PDCD10: variants seen among roughly 807,000 people sequenced by gnomAD.
PDCD10 encodes programmed cell death protein 10.
PDCD10 carries 4 observed loss-of-function variants against 29.2 expected under a neutral mutation model. The observed-to-expected ratio is 0.14, with a 90% CI of 0.07 to 0.31. PDCD10 has a LOEUF of 0.31. PDCD10 is among the 10% of genes least tolerant of loss of function. The pLI, the probability that PDCD10 is intolerant of heterozygous loss-of-function variation, is 1.00. For synonymous variants in PDCD10, 70 were observed against 82.2 expected (o/e 0.85, Z 0.80); for missense variants, 183 against 257.9 (o/e 0.71, Z 1.99).
intron 5 of PDCD10, among the ~76,000 whole-genome samples, chr3:167,696,584 T>G (rs1720833625): frequency 6.6e-6 from 1 of 151,998 alleles, no homozygotes; most frequent in Non-Finnish European, 1.5e-5. Flanking sequence ...AAAAGGATGG[T>G]TATATTATTC....
intron 4 of PDCD10, 63 bp downstream of exon 4, chr3:167,704,779 C>T (rs1470943274): frequency 4.5e-6 from 5 of 1,112,242 alleles, no homozygotes; most frequent in Non-Finnish European, 6.9e-6. Flanking sequence ...GCAACCATCA[C>T]ATGTACTTAC....
At chr3:167,707,819 T>C (rs989913542) in intron 3 of PDCD10, among the ~76,000 whole-genome samples, 3 of 152,206 alleles carry the variant, frequency 2.0e-5, no homozygotes, top group African/African-American at 7.2e-5. Flanking sequence ...TAATGGATAC[T>C]GCGACAGTGA....
chr3:167,698,122 C>T (rs1364060567), intron 4 of PDCD10: 1 of 360,748 alleles, frequency 2.8e-6, no homozygotes, highest in Non-Finnish European at 5.5e-6. Flanking sequence ...TCTTCTCTTC[C>T]TATTGCTCTT....
chr3:167,718,368 G>C (rs1723221258), intron 3 of PDCD10, among the ~76,000 whole-genome samples: 1 of 151,988 alleles, frequency 6.6e-6, no homozygotes, highest in South Asian at 2.1e-4. Flanking sequence ...TCTAACAGTA[G>C]CTCCTTGAAA....
At chr3:167,713,958 G>C (rs566374405) in intron 3 of PDCD10, among the ~76,000 whole-genome samples, 71 of 152,072 alleles carry the variant, frequency 4.7e-4, no homozygotes, top group African/African-American at 1.7e-3. Flanking sequence ...CTTCACTGCT[G>C]AATTCTGCCA....
chr3:167,712,064 G>C (rs980832626), intron 3 of PDCD10, among the ~76,000 whole-genome samples: 1 of 152,104 alleles, frequency 6.6e-6, no homozygotes, highest in African/African-American at 2.4e-5. Context: ...AAAATCTTCT[G>C]AAAGTACAAA....
intron 2 of PDCD10, among the ~76,000 whole-genome samples, chr3:167,733,227 G>A (rs1292000706): frequency 7.2e-5 from 11 of 152,084 alleles, no homozygotes; most frequent in Admixed American, 6.6e-4. Flanking sequence ...TTAAGAGTAA[G>A]CCATGATTTA....
chr3:167,715,394 C>T (rs1362848434), intron 3 of PDCD10, among the ~76,000 whole-genome samples: 5 of 151,692 alleles, frequency 3.3e-5, no homozygotes, highest in Non-Finnish European at 7.4e-5. Context: ...GCACAGGCAA[C>T]CAAAGGAAAC....
intron 8 of PDCD10, among the ~76,000 whole-genome samples, chr3:167,684,653 T>C (rs1719393403): frequency 1.3e-5 from 2 of 152,100 alleles, no homozygotes; most frequent in Non-Finnish European, 2.9e-5. Flanking sequence ...CCAGTTCATT[T>C]ATAGGTGGAA....
intron 6 of PDCD10, among the ~76,000 whole-genome samples, chr3:167,691,834 C>T (rs1409167928): frequency 6.6e-6 from 1 of 152,220 alleles, no homozygotes; most frequent in Non-Finnish European, 1.5e-5. Context: ...TCAAATCCAG[C>T]TCTACCACTT....
chr3:167,729,965 A>T (rs542343131), intron 2 of PDCD10, among the ~76,000 whole-genome samples: 1 of 152,288 alleles, frequency 6.6e-6, no homozygotes, highest in African/African-American at 2.4e-5. Context: ...AATGAAACTG[A>T]ACAGCAGAAA....
chr3:167,715,832 C>T (rs1722952351), intron 3 of PDCD10, among the ~76,000 whole-genome samples: 1 of 152,076 alleles, frequency 6.6e-6, no homozygotes, highest in Non-Finnish European at 1.5e-5. Context: ...ATTAGTACAA[C>T]CACTATGGAG....
chr3:167,697,204 T>G (rs1250183099), intron 4 of PDCD10, 78 bp from the exon 5 acceptor site: 1 of 829,130 alleles, frequency 1.2e-6, no homozygotes, highest in African/African-American at 1.7e-5. Flanking sequence ...TTGTTTAGAA[T>G]CTGTTGGGAG....
At chr3:167,730,470 T>G (rs1189280344) in intron 2 of PDCD10, among the ~76,000 whole-genome samples, 3 of 152,194 alleles carry the variant, frequency 2.0e-5, no homozygotes, top group Non-Finnish European at 4.4e-5. Context: ...TAGGTAAATA[T>G]GAAAATTTTA....
chr3:167,728,555 T>C (rs371616934), intron 2 of PDCD10, among the ~76,000 whole-genome samples: 2 of 152,212 alleles, frequency 1.3e-5, no homozygotes, highest in South Asian at 2.1e-4. Flanking sequence ...CAATCATTTA[T>C]TTTTCTATCA....
intron 2 of PDCD10, among the ~76,000 whole-genome samples, chr3:167,731,176 C>A (rs1357140236): frequency 1.3e-5 from 2 of 151,952 alleles, no homozygotes; most frequent in African/African-American, 4.8e-5. Context: ...AATACTACTA[C>A]CTAGAGGAAA....
chr3:167,704,593 T>C (rs1721784023), intron 4 of PDCD10: 1 of 377,260 alleles, frequency 2.7e-6, no homozygotes, highest in African/African-American at 2.1e-5. Flanking sequence ...AATCTACAGC[T>C]AAGGAGAGAA....
At position 167,684,287 on chromosome 3, in the gene PDCD10, A is replaced by C; in HGVS notation, c.*21T>G. The C allele has an allele frequency of 7.3e-7, 1 of 1,361,520 alleles. No individual in the cohort carries two copies. The highest frequency in any genetic ancestry group is 1.1e-6 in the Non-Finnish European group (1 of 949,550). The allele number at this position is 1,361,520 out of a possible 1,614,324, so 84.3% of individuals were successfully genotyped here. On this transcript the variant is annotated 3_prime_UTR_variant, in exon 9 of 9. Transcript: ENST00000392750. ...GTTCAATACTGCCACTGAGAAGTAC[A>C]TCTCTTAACATATACAACTTTCAGG... is the stretch of plus-strand genomic sequence containing the variant.
intron 6 of PDCD10, among the ~76,000 whole-genome samples, chr3:167,692,734 C>T (rs1305061286): frequency 6.6e-6 from 1 of 152,166 alleles, no homozygotes; most frequent in South Asian, 2.1e-4. Flanking sequence ...CTGGCTAACA[C>T]AGTGAAACCC....
Sources: allele counts gnomAD v4.1 joint callset (sites outside exome capture counted in the v4.1 genomes callset), GRCh38; gene constraint gnomAD v4.1.1; transcripts MANE v1.5; gene names NCBI Gene and HGNC (gene_info 2026-07-23, HGNC 2026-07-21).